Variants in DTNA observed in about 807,000 individuals in gnomAD.
DTNA encodes dystrobrevin alpha.
DTNA carries 43 observed loss-of-function variants against 100.7 expected under a neutral mutation model. The ratio of observed to expected loss-of-function variants is 0.43; its 90% CI spans 0.33 to 0.55. The LOEUF (loss-of-function observed/expected upper bound fraction) is 0.55, where lower values mean the gene tolerates loss of function less well. DTNA is among the 20% of genes least tolerant of loss of function. DTNA has a pLI of 0.04. For missense variants in DTNA, 798 were observed against 953.9 expected, an observed-to-expected ratio of 0.84 and a Z score of 2.15; for synonymous variants, 349 against 347.9, an observed-to-expected ratio of 1.00 and a Z score of -0.04.
rs57035462 is a variant in DTNA, at chr18:34,518,704, C to CGTGTGT, written c.-2+25226_-2+25231dup. Among the ~76,000 whole-genome samples the CGTGTGT allele has an allele frequency of 9.7e-3, 1,176 of 121,534 alleles. 13 individuals carry two copies. Among genetic ancestry groups the CGTGTGT allele is most frequent in the East Asian group, 0.027 (102 of 3,806 alleles). The allele number at this position is 121,534 out of a possible 152,430, so 79.7% of individuals were successfully genotyped here. A position where few individuals can be genotyped will look rare whatever the true frequency, so the allele number is the denominator to read the frequency against. On this transcript the variant is annotated intron_variant, in intron 1 of 19. Transcript: ENST00000283365. ...CCGTTTTTTTTTTTAATTTGGCAAA[C>CGTGTGT]GTGTGTGTGTGTGTGTGTGTGTGTG...
At chr18:34,547,937 T>C (rs955433531) in intron 1 of DTNA, among the ~76,000 whole-genome samples, 3 of 152,156 alleles carry the variant, frequency 2.0e-5, no homozygotes, top group African/African-American at 4.8e-5. Context: ...CCAGAATCTT[T>C]CTTGGATGCT....
intron 1 of DTNA, among the ~76,000 whole-genome samples, chr18:34,716,328 G>A (rs1012790959): frequency 2.6e-5 from 4 of 152,146 alleles, no homozygotes; most frequent in Non-Finnish European, 5.9e-5. Flanking sequence ...TTGGGAGGCC[G>A]AGGCGGGTGG....
chr18:34,711,589 A>T (rs2082916406), intron 1 of DTNA, among the ~76,000 whole-genome samples: 1 of 152,212 alleles, frequency 6.6e-6, no homozygotes, highest in Non-Finnish European at 1.5e-5. Flanking sequence ...ACTAAAATCA[A>T]TTATGTGCCC....
At chr18:34,688,944 T>G (rs1210374503) in intron 1 of DTNA, among the ~76,000 whole-genome samples, 1 of 152,076 alleles carries the variant, frequency 6.6e-6, no homozygotes. Context: ...CAGCTATTGA[T>G]ATTTGTATAT....
Position 34,683,655 on chromosome 18 carries a change from T to G in DTNA, c.-1-72321T>G, listed in dbSNP as rs556399981. The G allele has an allele frequency of 4.6e-5, 7 of 152,264 alleles. No homozygotes were observed. The East Asian group carries it at 1.4e-3, about 29-fold the overall frequency. 9.4% of individuals were successfully genotyped at this position (152,264 alleles called of 1,614,324 possible). On this transcript the variant is annotated intron_variant, in intron 1 of 19. Coordinates refer to the DTNA transcript ENST00000283365. ...GCGCAAATGCCATCATGAACAGAAT[T>G]TCTAAAACTCCTTCATCATCCTAAA... is the stretch of plus-strand genomic sequence containing the variant.
At chr18:34,555,702 A>AT (rs1340623356) in intron 1 of DTNA, among the ~76,000 whole-genome samples, 1 of 152,066 alleles carries the variant, frequency 6.6e-6, no homozygotes, top group Non-Finnish European at 1.5e-5. Context: ...GAGATTCTTA[A>AT]TTCTGAGTTC....
intron 1 of DTNA, among the ~76,000 whole-genome samples, chr18:34,691,044 C>T (rs1350194098): frequency 6.6e-6 from 1 of 152,130 alleles, no homozygotes; most frequent in African/African-American, 2.4e-5. Flanking sequence ...GGCCTGAGCT[C>T]CTAATTGTGA....
intron 9 of DTNA, chr18:34,822,383 A>C (rs897223431): frequency 6.6e-6 from 1 of 152,214 alleles, no homozygotes; most frequent in Non-Finnish European, 1.5e-5. Context: ...AGCTCTGCCG[A>C]GAGTAATTTC....
chr18:34,624,484 G>A (rs2057030228), intron 1 of DTNA, among the ~76,000 whole-genome samples: 1 of 152,104 alleles, frequency 6.6e-6, no homozygotes, highest in South Asian at 2.1e-4. Context: ...CATTATTTTT[G>A]AGTAAACAAA....
At chr18:34,870,672 T>C (rs2096756484) in intron 17 of DTNA, among the ~76,000 whole-genome samples, 1 of 152,092 alleles carries the variant, frequency 6.6e-6, no homozygotes. Flanking sequence ...CATCTCCCTC[T>C]TCTAGCCTCA....
At chr18:34,721,439 A>G (rs568232633) in intron 1 of DTNA, among the ~76,000 whole-genome samples, 7 of 152,330 alleles carry the variant, frequency 4.6e-5, no homozygotes, top group African/African-American at 1.2e-4. Flanking sequence ...CACTGGATTA[A>G]AAGGTTGTTT....
chr18:34,884,045 C>A (rs2096899350), intron 21 of DTNA, among the ~76,000 whole-genome samples: 1 of 152,218 alleles, frequency 6.6e-6, no homozygotes, highest in Non-Finnish European at 1.5e-5. Context: ...TGGAATGAAA[C>A]TGCCAGGGTG....
chr18:34,596,199 T>C (rs1240241899), intron 1 of DTNA, among the ~76,000 whole-genome samples: 1 of 152,152 alleles, frequency 6.6e-6, no homozygotes, highest in Non-Finnish European at 1.5e-5. Flanking sequence ...TTGCTGTTTT[T>C]TGTTTGGTTG....
chr18:34,756,788 G>T (rs1189953262), intron 2 of DTNA, among the ~76,000 whole-genome samples: 1 of 152,118 alleles, frequency 6.6e-6, no homozygotes, highest in Non-Finnish European at 1.5e-5. Context: ...TAAAGAAAAA[G>T]AACTTGACAT....
chr18:34,740,181 T>A (rs993292951), intron 1 of DTNA, among the ~76,000 whole-genome samples: 51 of 152,154 alleles, frequency 3.4e-4, no homozygotes, highest in Non-Finnish European at 7.4e-4. Context: ...TTAATCAGTG[T>A]CTTATCATTT....
rs990542846 is a variant in DTNA at position 34,544,953 on chromosome 18, G to C, written c.-2+51439G>C. ...ATTTGCAGTTGTGGCCTCAAGAAAAGATGATGTTGTTTAATACTGTGATTC... is the reference window on the plus strand; with the variant it reads ...ATTTGCAGTTGTGGCCTCAAGAAAACATGATGTTGTTTAATACTGTGATTC... On this transcript the variant is annotated intron_variant, in intron 1 of 19. Coordinates refer to the DTNA transcript ENST00000283365. Among the ~76,000 whole-genome samples the C allele has an allele frequency of 3.9e-5, 6 of 152,034 alleles. 1 individual carries two copies. Among genetic ancestry groups the C allele is most frequent in the Admixed American group, 2.6e-4 (4 of 15,238 alleles).
At chr18:34,788,600 G>T (rs567974410) in intron 3 of DTNA, among the ~76,000 whole-genome samples, 1 of 152,090 alleles carries the variant, frequency 6.6e-6, no homozygotes, top group African/African-American at 2.4e-5. Context: ...CAAGGTAGTC[G>T]CCAATGAAAT....
At chr18:34,759,840 G>C (rs1351868568) in intron 2 of DTNA, 3 of 152,096 alleles carry the variant, frequency 2.0e-5, no homozygotes, top group Admixed American at 2.0e-4. Flanking sequence ...CACCACACCT[G>C]GCTAATTTTT....
At chr18:34,802,435 T>A (rs1222089250) in intron 4 of DTNA, among the ~76,000 whole-genome samples, 1 of 152,234 alleles carries the variant, frequency 6.6e-6, no homozygotes, top group East Asian at 1.9e-4. Context: ...CAGATTTTAT[T>A]GGCTGTTTGT....
Sources: allele counts gnomAD v4.1 joint callset (sites outside exome capture counted in the v4.1 genomes callset), GRCh38; gene constraint gnomAD v4.1.1; transcripts MANE v1.5; gene names NCBI Gene and HGNC (gene_info 2026-07-23, HGNC 2026-07-21).